BRAF: variants seen among roughly 807,000 people sequenced by gnomAD.
The protein encoded by BRAF is B-Raf proto-oncogene, serine/threonine kinase.
BRAF carries 16 observed loss-of-function variants against 104.6 expected under a neutral mutation model. The ratio of observed to expected loss-of-function variants is 0.15; its 90% CI spans 0.10 to 0.23. The LOEUF (loss-of-function observed/expected upper bound fraction) is 0.23, where lower values mean the gene tolerates loss of function less well. BRAF is among the 10% of genes least tolerant of loss of function. The pLI, the probability that BRAF is intolerant of heterozygous loss-of-function variation, is 1.00. For missense variants in BRAF, 541 were observed against 937.3 expected, an observed-to-expected ratio of 0.58 and a Z score of 5.52; for synonymous variants, 310 against 341.6, an observed-to-expected ratio of 0.91 and a Z score of 1.02.
intron 1 of BRAF, among the ~76,000 whole-genome samples, chr7:140,881,881 C>T (rs1446675401): frequency 1.3e-5 from 2 of 152,086 alleles, no homozygotes; most frequent in East Asian, 1.9e-4. Flanking sequence ...AAGTTCACTG[C>T]CTTATTATGG....
rs1795422529 is a variant in BRAF at position 140,723,441 on chromosome 7, A to G, written c.*3053T>C. On this transcript the variant is annotated 3_prime_UTR_variant, in exon 20 of 20. Transcript: ENST00000644969. ...CCCAGTATGCCCTACTAGATCTCAAATACAATCAGGGGTGAGATATTCGGG... is the reference window on the plus strand; with the variant it reads ...CCCAGTATGCCCTACTAGATCTCAAGTACAATCAGGGGTGAGATATTCGGG... The G allele has an allele frequency of 1.9e-6, 2 of 1,054,722 alleles. No individual in the cohort carries two copies. Among genetic ancestry groups the G allele is most frequent in the Middle Eastern group, 4.2e-4 (1 of 2,356 alleles). The allele number at this position is 1,054,722 out of a possible 1,614,324, so 65.3% of individuals were successfully genotyped here.
intron 3 of BRAF, among the ~76,000 whole-genome samples, chr7:140,826,589 C>T (rs1806076306): frequency 6.6e-6 from 1 of 152,128 alleles, no homozygotes; most frequent in Non-Finnish European, 1.5e-5. Context: ...TCTAAAGCAT[C>T]AGGAAATGTC....
At chr7:140,823,789 G>A (rs1279072720) in intron 3 of BRAF, 1 of 152,124 alleles carries the variant, frequency 6.6e-6, no homozygotes, top group Non-Finnish European at 1.5e-5. Flanking sequence ...AGTGCAACAG[G>A]GGTCCAATTT....
chr7:140,722,196 A>C lies in BRAF; in HGVS notation c.*4298T>G. ...TTGCTCTATGTGATAAATATATCTGACTATACTAGGGATTATGTGCTTTAA... is the reference window on the plus strand; with the variant it reads ...TTGCTCTATGTGATAAATATATCTGCCTATACTAGGGATTATGTGCTTTAA... On this transcript the variant is annotated 3_prime_UTR_variant, in exon 20 of 20. Transcript: ENST00000644969. 3.8e-6 allele frequency: 4 copies of C among 1,058,220 alleles called. No homozygotes were observed. The highest frequency in any genetic ancestry group is 4.6e-6 in the Non-Finnish European group (4 of 874,500). 65.6% of individuals were successfully genotyped at this position (1,058,220 alleles called of 1,614,324 possible).
intron 14 of BRAF, among the ~76,000 whole-genome samples, chr7:140,758,953 AC>A (rs1330614891): frequency 6.6e-6 from 1 of 152,186 alleles, no homozygotes; most frequent in Non-Finnish European, 1.5e-5. Context: ...GGCTTGGGAA[AC>A]CATTGATAAT....
At position 140,724,132 on chromosome 7, in the gene BRAF, GA is replaced by G; in HGVS notation, c.*2361del. ...CAGCCTATTCTAAAATGCAAGGGAA[GA>G]AAAAGTGTATCACCCTGAATATTGT... On this transcript the variant is annotated 3_prime_UTR_variant, in exon 20 of 20. Transcript: ENST00000644969. The G allele has an allele frequency of 2.8e-6, 3 of 1,053,496 alleles. No individual in the cohort carries two copies. The highest frequency in any genetic ancestry group is 3.4e-6 in the Non-Finnish European group (3 of 871,846). The allele number at this position is 1,053,496 out of a possible 1,614,324, so 65.3% of individuals were successfully genotyped here. A position where few individuals can be genotyped will look rare whatever the true frequency, so the allele number is the denominator to read the frequency against.
At position 140,798,272 on chromosome 7, in the gene BRAF, C is replaced by CTTTTTTTCTTTT. The variant is rs1554402874; in HGVS notation, c.980+2089_980+2090insAAAAGAAAAAAA. Among the ~76,000 whole-genome samples, 13 of 115,614 alleles carry CTTTTTTTCTTTT rather than the reference C, an allele frequency of 1.1e-4. No individual in the cohort carries two copies. In the South Asian group the frequency reaches 1.5e-3, roughly 14 times the overall value. 75.8% of individuals were successfully genotyped at this position (115,614 alleles called of 152,430 possible). A position where few individuals can be genotyped will look rare whatever the true frequency, so the allele number is the denominator to read the frequency against. On this transcript the variant is annotated intron_variant, in intron 7 of 19. Transcript: ENST00000644969. Reference sequence around the variant, plus strand: ...AATGCTGTATGGGGACTTTTTTTTTCTTTTTTTTGAGACGGAGTCTTGCTC... The same window carrying CTTTTTTTCTTTT: ...AATGCTGTATGGGGACTTTTTTTTTCTTTTTTTCTTTTTTTTTTTTGAGACGGAGTCTTGCTC...
intron 14 of BRAF, among the ~76,000 whole-genome samples, chr7:140,768,804 A>T (rs1332056528): frequency 6.6e-6 from 1 of 151,774 alleles, no homozygotes; most frequent in Non-Finnish European, 1.5e-5. Context: ...GCCAGGAGTG[A>T]CTTCTACAGT....
intron 9 of BRAF, 22 bp downstream of exon 9, chr7:140,787,526 A>C: frequency 6.2e-7 from 1 of 1,608,376 alleles, no homozygotes; most frequent in Non-Finnish European, 8.5e-7. Context: ...AGTTTTTAAA[A>C]AAACCTGAAA....
chr7:140,739,460 TAAAA>T (rs778387130), intron 18 of BRAF, among the ~76,000 whole-genome samples: 1 of 149,526 alleles, frequency 6.7e-6, no homozygotes, highest in South Asian at 2.1e-4. Context: ...ATTAATATTT[TAAAA>T]AATAGTTTTA....
intron 14 of BRAF, among the ~76,000 whole-genome samples, chr7:140,755,319 A>G (rs771428482): frequency 8.5e-5 from 13 of 152,208 alleles, no homozygotes; most frequent in Admixed American, 3.9e-4. Context: ...GAAATCTGAC[A>G]ATGATCATTA....
chr7:140,923,564 A>G (rs1159961728), intron 1 of BRAF, among the ~76,000 whole-genome samples: 1 of 152,234 alleles, frequency 6.6e-6, no homozygotes, highest in Non-Finnish European at 1.5e-5. Context: ...AGACCTATAA[A>G]AATGGGTAGG....
intron 2 of BRAF, among the ~76,000 whole-genome samples, chr7:140,844,759 C>A (rs921363514): frequency 1.3e-5 from 2 of 151,998 alleles, no homozygotes; most frequent in Non-Finnish European, 2.9e-5. Flanking sequence ...AACTCCGTCT[C>A]CACTAAAAAT....
At chr7:140,805,346 G>C (rs1803553032) in intron 5 of BRAF, among the ~76,000 whole-genome samples, 1 of 151,980 alleles carries the variant, frequency 6.6e-6, no homozygotes, top group East Asian at 1.9e-4. Context: ...GGATATACAA[G>C]AAATTTTAAA....
rs897155407 is a variant in BRAF, at chr7:140,735,038, G to A, written c.2248-268C>T. On this transcript the variant is annotated intron_variant, in intron 18 of 19. Transcript: ENST00000644969. ...AAATGGGGAGAGTAATTCTTAGTCA[G>A]CTTTTATTTATATTTTAGATCATTT... is the stretch of plus-strand genomic sequence containing the variant. Among the ~76,000 whole-genome samples the A allele has an allele frequency of 3.2e-4, 49 of 152,046 alleles. 1 individual carries two copies. Among genetic ancestry groups the A allele is most frequent in the African/African-American group, 9.4e-4 (39 of 41,402 alleles).
chr7:140,760,858 G>T (rs560853643), intron 14 of BRAF, among the ~76,000 whole-genome samples: 1 of 152,102 alleles, frequency 6.6e-6, no homozygotes, highest in Admixed American at 6.6e-5. Context: ...AAAAAGAAAC[G>T]AACAAAGCCT....
intron 3 of BRAF, among the ~76,000 whole-genome samples, chr7:140,811,616 A>C (rs1804273019): frequency 6.6e-6 from 1 of 152,156 alleles, no homozygotes; most frequent in African/African-American, 2.4e-5. Context: ...TTTTGTGGGG[A>C]CTGCAAAGTA....
At chr7:140,788,808 T>C (rs1801650108) in intron 8 of BRAF, among the ~76,000 whole-genome samples, 1 of 151,706 alleles carries the variant, frequency 6.6e-6, no homozygotes, top group Non-Finnish European at 1.5e-5. Flanking sequence ...AGGCTGGTCT[T>C]GAACTCCTGA....
intron 1 of BRAF, among the ~76,000 whole-genome samples, chr7:140,858,590 A>G (rs1289506831): frequency 6.6e-6 from 1 of 152,200 alleles, no homozygotes; most frequent in Non-Finnish European, 1.5e-5. Context: ...CAAATAATTC[A>G]GTGCATGCAG....
Sources: allele counts gnomAD v4.1 joint callset (sites outside exome capture counted in the v4.1 genomes callset), GRCh38; gene constraint gnomAD v4.1.1; transcripts MANE v1.5; gene names NCBI Gene and HGNC (gene_info 2026-07-23, HGNC 2026-07-21).